The following MDGA2 variants were observed in gnomAD, a reference collection of about 807,000 sequenced individuals.
MDGA2 encodes MAM domain-containing glycosylphosphatidylinositol anchor protein 2.
In MDGA2, 40 loss-of-function variants were observed where a neutral mutation model predicts 117.8. The observed-to-expected ratio is 0.34, with a 90% CI of 0.26 to 0.44. The LOEUF is 0.44. Ranked by LOEUF, MDGA2 falls within the 20% of genes least tolerant of loss-of-function variation. The pLI, the probability that MDGA2 is intolerant of heterozygous loss-of-function variation, is 1.00. For synonymous variants in MDGA2, 452 were observed against 439.0 expected (o/e 1.03, Z -0.37); for missense variants, 1,123 against 1,250.6 (o/e 0.90, Z 1.54).
chr14:46,861,951 A>G (rs141519523), intron 14 of MDGA2, among the ~76,000 whole-genome samples: 1 of 152,138 alleles, frequency 6.6e-6, no homozygotes, highest in African/African-American at 2.4e-5. Flanking sequence ...GATTCAGCAA[A>G]GCTGATTCAG....
At chr14:47,572,725 G>A (rs1896043497) in intron 1 of MDGA2, among the ~76,000 whole-genome samples, 1 of 152,128 alleles carries the variant, frequency 6.6e-6, no homozygotes, top group Non-Finnish European at 1.5e-5. Context: ...CAACTAGCTG[G>A]ACTTAGGAAT....
At chr14:47,371,171 A>G (rs1479545672) in intron 1 of MDGA2, among the ~76,000 whole-genome samples, 1 of 151,858 alleles carries the variant, frequency 6.6e-6, no homozygotes, top group African/African-American at 2.4e-5. Flanking sequence ...CCCTGCTAGG[A>G]CATGCGATTT....
intron 14 of MDGA2, among the ~76,000 whole-genome samples, chr14:46,863,599 T>C (rs940439416): frequency 2.2e-4 from 33 of 152,160 alleles, no homozygotes; most frequent in Non-Finnish European, 3.5e-4. Flanking sequence ...ATCAATTCAA[T>C]TGATGAAATA....
At chr14:47,270,769 G>A (rs73236798) in intron 2 of MDGA2, among the ~76,000 whole-genome samples, 6,637 of 150,930 alleles carry the variant, frequency 0.044, 165 homozygotes, top group African/African-American at 0.062. Flanking sequence ...GTATGTAAGC[G>A]TGCACTGTTT....
At chr14:47,627,969 C>T (rs1041097430) in intron 1 of MDGA2, among the ~76,000 whole-genome samples, 12 of 152,118 alleles carry the variant, frequency 7.9e-5, no homozygotes, top group African/African-American at 1.7e-4. Context: ...TAACACTCAC[C>T]GTGAGGGTCC....
chr14:47,417,132 T>A (rs1892491645), intron 1 of MDGA2, among the ~76,000 whole-genome samples: 1 of 152,212 alleles, frequency 6.6e-6, no homozygotes, highest in Non-Finnish European at 1.5e-5. Context: ...TTCTCATTCT[T>A]TTCTATATAA....
chr14:47,160,259 T>C (rs951710403), intron 3 of MDGA2, among the ~76,000 whole-genome samples: 1 of 152,246 alleles, frequency 6.6e-6, no homozygotes, highest in Non-Finnish European at 1.5e-5. Context: ...TAGAAGTTTT[T>C]AGCTTCTGAA....
chr14:47,131,308 T>A (rs922025038), intron 5 of MDGA2, among the ~76,000 whole-genome samples: 2 of 152,020 alleles, frequency 1.3e-5, no homozygotes, highest in Non-Finnish European at 2.9e-5. Flanking sequence ...ACCTATTAGT[T>A]TTCTTGACTT....
At chr14:47,079,928 T>C (rs1373265603) in intron 6 of MDGA2, among the ~76,000 whole-genome samples, 1 of 151,862 alleles carries the variant, frequency 6.6e-6, no homozygotes, top group Admixed American at 6.6e-5. Flanking sequence ...AGACGGGGTT[T>C]CACCGTGTTA....
chr14:47,324,758 T>G (rs1386030293), intron 1 of MDGA2, among the ~76,000 whole-genome samples: 1 of 152,162 alleles, frequency 6.6e-6, no homozygotes, highest in Non-Finnish European at 1.5e-5. Flanking sequence ...GAGGTTTTCT[T>G]GATTTCTATT....
chr14:47,621,900 A>G (rs1466060427), intron 1 of MDGA2, among the ~76,000 whole-genome samples: 2 of 152,248 alleles, frequency 1.3e-5, no homozygotes, highest in Non-Finnish European at 2.9e-5. Flanking sequence ...TTATGTCACC[A>G]GAGCATGATG....
intron 2 of MDGA2, among the ~76,000 whole-genome samples, chr14:47,297,428 T>G (rs1229544988): frequency 5.6e-4 from 40 of 71,698 alleles, no homozygotes; most frequent in African/African-American, 7.1e-4. Flanking sequence ...GAGAGGGGAG[T>G]GGAGGGGAGT....
chr14:47,000,234 T>C (rs1208805044), intron 8 of MDGA2, among the ~76,000 whole-genome samples: 1 of 148,912 alleles, frequency 6.7e-6, no homozygotes, highest in Non-Finnish European at 1.5e-5. Context: ...ACAAGGAATT[T>C]AAAGGGTAGA....
chr14:47,004,896 T>C (rs1446409024), intron 8 of MDGA2, among the ~76,000 whole-genome samples: 1 of 151,678 alleles, frequency 6.6e-6, no homozygotes, highest in Non-Finnish European at 1.5e-5. Context: ...TCTTTGGTCA[T>C]ATATAGAAGA....
chr14:47,349,384 G>A (rs1468766054), intron 1 of MDGA2, among the ~76,000 whole-genome samples: 1 of 152,084 alleles, frequency 6.6e-6, no homozygotes, highest in Non-Finnish European at 1.5e-5. Flanking sequence ...CTCAACAAAT[G>A]ATAACCATCA....
intron 10 of MDGA2, among the ~76,000 whole-genome samples, chr14:46,899,976 A>G (rs1183820599): frequency 1.3e-5 from 2 of 152,072 alleles, no homozygotes; most frequent in Non-Finnish European, 2.9e-5. Flanking sequence ...AGAAAAGAAA[A>G]AAATAAACAA....
At chr14:47,144,055 A>G (rs1481926443) in intron 4 of MDGA2, 23 bp downstream of exon 4, 14 of 1,508,736 alleles carry the variant, frequency 9.3e-6, no homozygotes, top group Non-Finnish European at 1.3e-5. Flanking sequence ...AGTAGGGTGG[A>G]AATACTGTAC....
At chr14:47,351,902 A>AACAC (rs35860893) in intron 1 of MDGA2, among the ~76,000 whole-genome samples, 27,556 of 148,242 alleles carry the variant, frequency 0.19, 3,023 homozygotes, top group Admixed American at 0.32. Flanking sequence ...CTCTAAATTA[A>AACAC]ACACACACAC....
chr14:47,012,831 G>C (rs182212762), intron 8 of MDGA2, among the ~76,000 whole-genome samples: 41 of 152,046 alleles, frequency 2.7e-4, no homozygotes, highest in Admixed American at 1.9e-3. Context: ...AGCAAGCCAC[G>C]AATTTTTTTG....
Sources: gnomAD v4.1 joint callset for allele counts (sites outside exome capture counted in the v4.1 genomes callset) on GRCh38, gnomAD v4.1.1 for gene constraint, MANE v1.5 for transcripts, NCBI Gene and HGNC (gene_info 2026-07-23, HGNC 2026-07-21) for gene names.